The following MLIP variants were observed in gnomAD, a reference collection of about 807,000 sequenced individuals.
MLIP encodes the protein muscular LMNA-interacting protein.
Under a neutral mutation model 84.8 loss-of-function variants are expected in MLIP, and 79 were observed. The observed-to-expected ratio is 0.93, with a 90% CI of 0.78 to 1.12. The LOEUF is 1.12. Among genes scored for constraint, MLIP ranks in the 50% most tolerant of loss-of-function variants. The pLI is 0.00. For missense variants in MLIP, 1,257 were observed against 1,160.6 expected (o/e 1.08, Z -1.21); for synonymous variants, 504 against 463.0 (o/e 1.09, Z -1.14).
intron 12 of MLIP, among the ~76,000 whole-genome samples, chr6:54,249,182 C>T (rs1461728340): frequency 6.6e-6 from 1 of 151,866 alleles, no homozygotes; most frequent in Middle Eastern, 3.2e-3. Context: ...ATCATGGAAC[C>T]AATGAATTAT....
intron 12 of MLIP, among the ~76,000 whole-genome samples, chr6:54,234,698 G>A (rs985917256): frequency 6.6e-6 from 1 of 152,210 alleles, no homozygotes. Context: ...AGGGTAAACT[G>A]GTTGTCAGCA....
intron 10 of MLIP, among the ~76,000 whole-genome samples, chr6:54,199,520 A>C (rs533265305): frequency 2.3e-4 from 35 of 152,236 alleles, no homozygotes; most frequent in African/African-American, 7.7e-4. Flanking sequence ...GTTTTGAAGC[A>C]CATGAAAAGG....
intron 12 of MLIP, among the ~76,000 whole-genome samples, chr6:54,247,759 C>G (rs908569394): frequency 2.6e-5 from 4 of 152,102 alleles, no homozygotes; most frequent in African/African-American, 9.7e-5. Flanking sequence ...TGCCAACCAA[C>G]CACATACCCT....
At chr6:54,207,979 T>A (rs1034207620) in intron 11 of MLIP, among the ~76,000 whole-genome samples, 4 of 151,900 alleles carry the variant, frequency 2.6e-5, no homozygotes, top group African/African-American at 9.7e-5. Flanking sequence ...TTACAAAAAA[T>A]CAGCAGGGTG....
chr6:54,104,642 A>G (rs1397475593), intron 1 of MLIP, among the ~76,000 whole-genome samples: 2 of 152,150 alleles, frequency 1.3e-5, no homozygotes, highest in Admixed American at 6.5e-5. Flanking sequence ...CCTGATCTTC[A>G]TCTAGCTCAT....
chr6:54,111,066 T>C (rs1769419598), upstream of MLIP, among the ~76,000 whole-genome samples: 1 of 152,258 alleles, frequency 6.6e-6, no homozygotes, highest in Non-Finnish European at 1.5e-5. Context: ...TCTATGAGCA[T>C]GACCAACTGA....
intron 12 of MLIP, among the ~76,000 whole-genome samples, chr6:54,242,124 ATGT>A (rs1384060704): frequency 3.3e-5 from 5 of 152,166 alleles, no homozygotes; most frequent in Non-Finnish European, 5.9e-5. Context: ...TGGCGGTCTG[ATGT>A]TGTGTGAATG....
chr6:54,041,758 C>T (rs1764755200), intron 1 of MLIP, among the ~76,000 whole-genome samples: 2 of 152,002 alleles, frequency 1.3e-5, no homozygotes, highest in African/African-American at 2.4e-5. Context: ...TTGTCATTGG[C>T]AAAGTATTTT....
At chr6:54,148,713 T>A (rs1773119269) in intron 4 of MLIP, among the ~76,000 whole-genome samples, 1 of 152,174 alleles carries the variant, frequency 6.6e-6, no homozygotes, top group Admixed American at 6.6e-5. Flanking sequence ...CAGAGCCATC[T>A]CCTGTCCTCA....
chr6:54,211,111 G>T (rs557524237), intron 11 of MLIP, among the ~76,000 whole-genome samples: 3 of 152,188 alleles, frequency 2.0e-5, no homozygotes, highest in Admixed American at 2.0e-4. Flanking sequence ...GTGGTGGCGG[G>T]TGCCTATAAT....
chr6:54,050,376 G>A (rs1292141322), intron 1 of MLIP, among the ~76,000 whole-genome samples: 1 of 152,018 alleles, frequency 6.6e-6, no homozygotes, highest in Non-Finnish European at 1.5e-5. Flanking sequence ...ACACATACAT[G>A]TACATGTACA....
chr6:54,192,214 A>G (rs1364406577), intron 10 of MLIP, among the ~76,000 whole-genome samples: 1 of 43,584 alleles, frequency 2.3e-5, no homozygotes, highest in African/African-American at 3.9e-5. Flanking sequence ...TTTCTTAACC[A>G]AGTTTTAAAT....
chr6:54,249,734 C>CATAT (rs1554193586), intron 12 of MLIP, among the ~76,000 whole-genome samples: 34 of 127,610 alleles, frequency 2.7e-4, no homozygotes, highest in East Asian at 8.9e-4. Flanking sequence ...CACACACACA[C>CATAT]ATATATATAT....
chr6:54,239,568 C>T (rs1781593400), intron 12 of MLIP, among the ~76,000 whole-genome samples: 1 of 149,206 alleles, frequency 6.7e-6, no homozygotes. Context: ...GTCAGGAGTT[C>T]AAGACCAGCC....
chr6:54,131,501 C>T (rs921852186), intron 3 of MLIP, among the ~76,000 whole-genome samples: 1 of 152,022 alleles, frequency 6.6e-6, no homozygotes, highest in African/African-American at 2.4e-5. Flanking sequence ...ATTCCTTCAC[C>T]TCTGTCATAT....
chr6:54,245,823 T>C (rs1782042639), intron 12 of MLIP, among the ~76,000 whole-genome samples: 1 of 152,166 alleles, frequency 6.6e-6, no homozygotes, highest in South Asian at 2.1e-4. Context: ...ACTTATCCCA[T>C]GCAACAAAAT....
In MLIP at chr6:54,137,912, C is replaced by A; in HGVS notation, c.1843C>A (p.Pro615Thr). 6.5e-7 allele frequency: 1 copy of A among 1,536,086 alleles called. No individual in the cohort carries two copies. The highest frequency in any genetic ancestry group is 1.2e-5 in the South Asian group (1 of 84,060). ...TTCAGAGAAATGTTTCCATCCTTCC[C>A]CAGCTCTTTCAAGCCTGATAAACAG... ...SSSEKCFHPS[P>T]ALSSLINRSK... is the part of the protein sequence containing the mutation. The change falls in exon 4 of 14, where the codon CCA becomes ACA. Residue 615 changes from proline to threonine, a missense_variant. Transcript: ENST00000502396.
intron 1 of MLIP, among the ~76,000 whole-genome samples, chr6:54,113,354 T>C (rs1187194466): frequency 1.3e-5 from 2 of 152,174 alleles, no homozygotes; most frequent in Non-Finnish European, 2.9e-5. Context: ...TCTATCATGA[T>C]ATTGATGAGA....
At chr6:54,095,766 A>G (rs1237797765) in intron 1 of MLIP, among the ~76,000 whole-genome samples, 12 of 152,232 alleles carry the variant, frequency 7.9e-5, no homozygotes, top group Admixed American at 7.9e-4. Flanking sequence ...AAGCTTAGTC[A>G]GAGTTTGCAG....
Sources: gnomAD v4.1 joint callset for allele counts (sites outside exome capture counted in the v4.1 genomes callset) on GRCh38, gnomAD v4.1.1 for gene constraint, MANE v1.5 for transcripts, NCBI Gene and HGNC (gene_info 2026-07-23, HGNC 2026-07-21) for gene names.